The following HS6ST3 variants were observed in gnomAD, a reference collection of about 807,000 sequenced individuals.
HS6ST3 encodes heparan sulfate 6-O-sulfotransferase 3.
HS6ST3 carries 12 observed loss-of-function variants against 36.7 expected under a neutral mutation model. The observed-to-expected ratio is 0.33, with a 90% confidence interval of 0.21 to 0.53. HS6ST3 has a LOEUF of 0.53. Ranked by LOEUF, HS6ST3 falls within the 20% of genes least tolerant of loss-of-function variation. The pLI, the probability that HS6ST3 is intolerant of heterozygous loss-of-function variation, is 0.95. For missense variants in HS6ST3, 584 were observed against 640.9 expected (o/e 0.91, Z 0.96); for synonymous variants, 240 against 257.5 (o/e 0.93, Z 0.65).
chr13:96,492,687 C>T (rs1000056346), intron 1 of HS6ST3, among the ~76,000 whole-genome samples: 1 of 152,158 alleles, frequency 6.6e-6, no homozygotes, highest in African/African-American at 2.4e-5. Flanking sequence ...TGAACTCCTC[C>T]AGGACTTTTA....
At chr13:96,225,423 T>C (rs2054475761) in intron 1 of HS6ST3, among the ~76,000 whole-genome samples, 1 of 152,358 alleles carries the variant, frequency 6.6e-6, no homozygotes, top group Middle Eastern at 3.4e-3. Context: ...ATTGTTTTTT[T>C]CCCCAAAGGG....
In HS6ST3 at chr13:96,112,108, A is replaced by T. The variant is rs531491785; in HGVS notation, c.707+20539A>T. ...TGCATAGCTCGAAGTATACATAAATAGGACAGAAAGCCCCAGAAATAGATA... is the reference window on the plus strand; with the variant it reads ...TGCATAGCTCGAAGTATACATAAATTGGACAGAAAGCCCCAGAAATAGATA... On this transcript the variant is annotated intron_variant, in intron 1 of 1. Transcript: ENST00000376705. Among the ~76,000 whole-genome samples the T allele has an allele frequency of 5.3e-5, 8 of 152,332 alleles. No homozygotes were observed. In the East Asian group the frequency reaches 1.5e-3, roughly 29 times the overall value.
At chr13:96,186,198 G>A (rs1450944905) in intron 1 of HS6ST3, among the ~76,000 whole-genome samples, 2 of 152,096 alleles carry the variant, frequency 1.3e-5, no homozygotes, top group African/African-American at 2.4e-5. Context: ...GAAAACAGAC[G>A]AGGTTTTGCA....
chr13:96,560,738 C>A (rs374274288), intron 1 of HS6ST3, among the ~76,000 whole-genome samples: 1 of 151,980 alleles, frequency 6.6e-6, no homozygotes, highest in Non-Finnish European at 1.5e-5. Context: ...CAATAATGAA[C>A]CAAGCTAAGA....
intron 1 of HS6ST3, among the ~76,000 whole-genome samples, chr13:96,156,950 TGTTCA>T (rs771402613): frequency 2.0e-5 from 3 of 152,220 alleles, no homozygotes; most frequent in African/African-American, 4.8e-5. Context: ...ACCTTCAGGC[TGTTCA>T]GTTTTTACCT....
intron 1 of HS6ST3, among the ~76,000 whole-genome samples, chr13:96,523,673 G>C (rs926932140): frequency 6.6e-6 from 1 of 151,846 alleles, no homozygotes; most frequent in African/African-American, 2.4e-5. Flanking sequence ...ATTGAAGCTT[G>C]TGTATGCTTC....
chr13:96,207,406 T>G (rs1031949772), intron 1 of HS6ST3, among the ~76,000 whole-genome samples: 2 of 152,120 alleles, frequency 1.3e-5, no homozygotes, highest in African/African-American at 4.8e-5. Context: ...TCAACCATTG[T>G]GGAAGACAGC....
chr13:96,712,219 G>A (rs765358995), intron 1 of HS6ST3, among the ~76,000 whole-genome samples: 27 of 152,208 alleles, frequency 1.8e-4, no homozygotes, highest in Non-Finnish European at 3.5e-4. Context: ...CTAGGTTCAT[G>A]AAGAATGGTT....
At chr13:96,824,320 T>C (rs927553128) in intron 1 of HS6ST3, among the ~76,000 whole-genome samples, 5 of 152,354 alleles carry the variant, frequency 3.3e-5, no homozygotes, top group South Asian at 2.1e-4. Context: ...TTCCTCCTCC[T>C]CATGTTGCGG....
At chr13:96,475,309 C>T (rs978771672) in intron 1 of HS6ST3, among the ~76,000 whole-genome samples, 5 of 152,086 alleles carry the variant, frequency 3.3e-5, no homozygotes, top group Non-Finnish European at 7.4e-5. Flanking sequence ...AGTCCGTGCT[C>T]CTGTAGCTCT....
intron 1 of HS6ST3, among the ~76,000 whole-genome samples, chr13:96,524,257 T>A (rs1467654247): frequency 6.6e-6 from 1 of 152,010 alleles, no homozygotes; most frequent in African/African-American, 2.4e-5. Flanking sequence ...CACCCACCTG[T>A]ATGAGGTGTC....
rs754892407 is a variant in HS6ST3 at position 96,835,792 on chromosome 13, C to T, written c.*2594C>T. The stretch of plus-strand genomic sequence containing the variant: ...ACTTCACGCTGTTCCTTAGGCACCT[C>T]GGGATTGGTATCAAAGGCTTCCACT... On this transcript the variant is annotated 3_prime_UTR_variant, in exon 2 of 2. Coordinates refer to ENST00000376705, the MANE Select transcript of HS6ST3 (RefSeq NM_153456.4). The T allele has an allele frequency of 1.3e-5, 2 of 152,222 alleles. No homozygotes were observed. Among genetic ancestry groups the T allele is most frequent in the Non-Finnish European group, 1.5e-5 (1 of 68,074 alleles). The allele number at this position is 152,222 out of a possible 1,614,324, so 9.4% of individuals were successfully genotyped here. A position where few individuals can be genotyped will look rare whatever the true frequency, so the allele number is the denominator to read the frequency against.
At chr13:96,201,728 G>A (rs970442275) in intron 1 of HS6ST3, among the ~76,000 whole-genome samples, 8 of 152,138 alleles carry the variant, frequency 5.3e-5, no homozygotes, top group African/African-American at 9.7e-5. Context: ...ATACGTTTTC[G>A]TGAAATTGAT....
intron 1 of HS6ST3, among the ~76,000 whole-genome samples, chr13:96,741,328 G>C (rs1192246071): frequency 6.6e-6 from 1 of 152,096 alleles, no homozygotes; most frequent in African/African-American, 2.4e-5. Context: ...CAGCTTCTTG[G>C]TACAACTTCA....
At chr13:96,562,382 G>A (rs1483449245) in intron 1 of HS6ST3, among the ~76,000 whole-genome samples, 6 of 152,096 alleles carry the variant, frequency 3.9e-5, no homozygotes, top group Admixed American at 2.0e-4. Flanking sequence ...TGAGGGAGAA[G>A]GGGGACAAGT....
chr13:96,190,728 A>C (rs901263881), intron 1 of HS6ST3, among the ~76,000 whole-genome samples: 2 of 152,206 alleles, frequency 1.3e-5, no homozygotes, highest in Non-Finnish European at 2.9e-5. Context: ...AGGGAAATAA[A>C]AATAAAATAA....
chr13:96,346,443 A>G (rs531614993), intron 1 of HS6ST3, among the ~76,000 whole-genome samples: 17 of 152,064 alleles, frequency 1.1e-4, no homozygotes, highest in East Asian at 1.9e-4. Context: ...GCGTGGTGGC[A>G]GGTGCCTGTA....
intron 1 of HS6ST3, among the ~76,000 whole-genome samples, chr13:96,399,610 T>C (rs1204513241): frequency 6.6e-6 from 1 of 152,246 alleles, no homozygotes; most frequent in Non-Finnish European, 1.5e-5. Flanking sequence ...AAATAAAATA[T>C]TTGAATGTTT....
intron 1 of HS6ST3, among the ~76,000 whole-genome samples, chr13:96,330,310 G>A (rs916198406): frequency 6.6e-6 from 1 of 152,054 alleles, no homozygotes; most frequent in African/African-American, 2.4e-5. Flanking sequence ...TGAGTTTGCA[G>A]CGGCCGGTAC....
Sources: allele counts gnomAD v4.1 joint callset (sites outside exome capture counted in the v4.1 genomes callset), GRCh38; gene constraint gnomAD v4.1.1; transcripts MANE v1.5; gene names NCBI Gene and HGNC (gene_info 2026-07-23, HGNC 2026-07-21).